The following ZPBP variants were observed in gnomAD, a reference collection of about 807,000 sequenced individuals.
ZPBP encodes zona pellucida-binding protein 1.
A neutral mutation model predicts 44.8 loss-of-function variants in ZPBP; 26 were observed. The observed-to-expected ratio is 0.58, with a 90% CI of 0.43 to 0.81. ZPBP has a LOEUF of 0.81. Among genes scored for constraint, ZPBP ranks in the 30% least tolerant of loss-of-function variants. The pLI, the probability that ZPBP is intolerant of heterozygous loss-of-function variation, is 0.00. For missense variants in ZPBP, 409 were observed against 434.0 expected (o/e 0.94, Z 0.51); for synonymous variants, 174 against 153.2 (o/e 1.14, Z -1.00).
chr7:49,891,659 G>A (rs1054441586), intron 2 of ZPBP, among the ~76,000 whole-genome samples: 6 of 152,094 alleles, frequency 3.9e-5, no homozygotes, highest in African/African-American at 1.2e-4. Context: ...GGATCAACTG[G>A]AGTTCTTATA....
chr7:49,883,751 A>G (rs1398717041), intron 2 of ZPBP, among the ~76,000 whole-genome samples: 2 of 152,230 alleles, frequency 1.3e-5, no homozygotes, highest in South Asian at 2.1e-4. Flanking sequence ...TTTTGGCTTT[A>G]AAGTTTCTAA....
chr7:50,030,186 G>A (rs1434054541), intron 5 of ZPBP, among the ~76,000 whole-genome samples: 2 of 152,018 alleles, frequency 1.3e-5, no homozygotes, highest in Non-Finnish European at 1.5e-5. Context: ...AACAGACCCA[G>A]GGGCTGGGGA....
At chr7:50,087,488 A>T (rs1802721976) in intron 2 of ZPBP, among the ~76,000 whole-genome samples, 1 of 151,976 alleles carries the variant, frequency 6.6e-6, no homozygotes, top group Admixed American at 6.6e-5. Flanking sequence ...AACTCAACAA[A>T]CTAGGAATTG....
chr7:49,867,843 TTA>T (rs765456518), intron 2 of ZPBP, among the ~76,000 whole-genome samples: 1 of 141,392 alleles, frequency 7.1e-6, no homozygotes. Flanking sequence ...TTATTTTATT[TTA>T]TTTTTTGAGG....
intron 6 of ZPBP, among the ~76,000 whole-genome samples, chr7:50,010,908 C>CAAAAAAAAAAAAAAAAAAA (rs71554292): frequency 1.1e-5 from 1 of 92,436 alleles, no homozygotes. Flanking sequence ...CAAGACCAAG[C>CAAAAAAAAAAAAAAAAAAA]AAAAAAAAAA....
At chr7:49,922,859 C>T (rs567258955) in intron 1 of ZPBP, among the ~76,000 whole-genome samples, 1 of 151,838 alleles carries the variant, frequency 6.6e-6, no homozygotes, top group African/African-American at 2.4e-5. Context: ...ATAATCAGAC[C>T]CAGATATAAA....
At chr7:49,914,835 T>C (rs1793632231) in intron 1 of ZPBP, 1 of 152,140 alleles carries the variant, frequency 6.6e-6, no homozygotes, top group Non-Finnish European at 1.5e-5. Flanking sequence ...GGTTTGGAGA[T>C]AGCACAGAAA....
chr7:50,054,333 G>C (rs1371505710), intron 4 of ZPBP, among the ~76,000 whole-genome samples: 1 of 152,066 alleles, frequency 6.6e-6, no homozygotes, highest in South Asian at 2.1e-4. Flanking sequence ...CTTAAAGCAT[G>C]CATAAGAAAA....
chr7:50,055,373 T>C (rs1055363860), intron 4 of ZPBP, among the ~76,000 whole-genome samples: 19 of 152,170 alleles, frequency 1.2e-4, no homozygotes, highest in African/African-American at 4.6e-4. Context: ...ATTGCATTTG[T>C]TTTAAGCATA....
intron 4 of ZPBP, among the ~76,000 whole-genome samples, chr7:50,045,973 A>G (rs1800336299): frequency 6.6e-6 from 1 of 152,194 alleles, no homozygotes; most frequent in Non-Finnish European, 1.5e-5. Context: ...AACAGAACAG[A>G]GGCCTCAGAA....
chr7:49,866,879 T>C (rs1583709024), intron 2 of ZPBP, among the ~76,000 whole-genome samples: 1 of 152,206 alleles, frequency 6.6e-6, no homozygotes, highest in East Asian at 1.9e-4. Context: ...GGCGGGAACA[T>C]GCCTGAAATG....
chr7:49,995,422 G>C (rs1294775398), intron 6 of ZPBP, among the ~76,000 whole-genome samples: 1 of 152,220 alleles, frequency 6.6e-6, no homozygotes, highest in East Asian at 1.9e-4. Context: ...AGGAGATGTT[G>C]TAATCTGCCC....
intron 4 of ZPBP, among the ~76,000 whole-genome samples, chr7:50,037,364 C>T (rs1330643081): frequency 1.3e-5 from 2 of 152,112 alleles, no homozygotes; most frequent in Non-Finnish European, 2.9e-5. Context: ...TGTAATAGTC[C>T]GTTCTCACAC....
intron 6 of ZPBP, among the ~76,000 whole-genome samples, chr7:50,003,630 C>T (rs918729615): frequency 5.3e-5 from 8 of 152,112 alleles, no homozygotes; most frequent in Non-Finnish European, 8.8e-5. Flanking sequence ...TTGGAGGCCA[C>T]TGACAGCAAA....
chr7:49,845,372 A>G, the ZPBP span, among the ~76,000 whole-genome samples: 1 of 152,234 alleles, frequency 6.6e-6, no homozygotes. Context: ...TGGTTTCTAT[A>G]GAAACTTAGA....
At chr7:50,011,061 A>G (rs894127101) in intron 6 of ZPBP, among the ~76,000 whole-genome samples, 1 of 152,176 alleles carries the variant, frequency 6.6e-6, no homozygotes, top group Non-Finnish European at 1.5e-5. Flanking sequence ...ATAAAGCCAA[A>G]TACTTACAGT....
chr7:49,874,646 G>A (rs370527210), intron 2 of ZPBP, among the ~76,000 whole-genome samples: 2 of 152,198 alleles, frequency 1.3e-5, no homozygotes, highest in South Asian at 2.1e-4. Context: ...GGGTATTTAT[G>A]TTCTTCCTTT....
intron 1 of ZPBP, among the ~76,000 whole-genome samples, chr7:49,903,050 TA>T (rs1792861651): frequency 6.6e-6 from 1 of 152,084 alleles, no homozygotes; most frequent in South Asian, 2.1e-4. Context: ...AAATACAAAT[TA>T]AAACTTGAGA....
At chr7:50,079,956 CAG>C (rs1260141733) in intron 3 of ZPBP, among the ~76,000 whole-genome samples, 1 of 151,572 alleles carries the variant, frequency 6.6e-6, no homozygotes, top group African/African-American at 2.4e-5. Flanking sequence ...TTTCAAGAAA[CAG>C]AGAAAAAGAG....
Sources: gnomAD v4.1 joint callset for allele counts (sites outside exome capture counted in the v4.1 genomes callset) on GRCh38, gnomAD v4.1.1 for gene constraint, MANE v1.5 for transcripts, NCBI Gene and HGNC (gene_info 2026-07-23, HGNC 2026-07-21) for gene names.